The following WDFY4 variants were observed in gnomAD, a reference collection of about 807,000 sequenced individuals.
The protein encoded by WDFY4 is WDFY family member 4.
In WDFY4, 169 loss-of-function variants were observed where a neutral mutation model predicts 351.9. The ratio of observed to expected loss-of-function variants is 0.48; its 90% CI spans 0.42 to 0.55. WDFY4 has a LOEUF of 0.55. Ranked by LOEUF, WDFY4 falls within the 20% of genes least tolerant of loss-of-function variation. The pLI, the probability that WDFY4 is intolerant of heterozygous loss-of-function variation, is 0.00. For missense variants in WDFY4, 3,803 were observed against 3,935.6 expected (o/e 0.97, Z 0.90); for synonymous variants, 1,622 against 1,574.6 (o/e 1.03, Z -0.71).
At chr10:48,778,992 A>G (rs1420819000) in intron 18 of WDFY4, among the ~76,000 whole-genome samples, 160 bp downstream of exon 18, 3 of 152,224 alleles carry the variant, frequency 2.0e-5, no homozygotes, top group African/African-American at 7.2e-5. Context: ...TGAAAGGTCT[A>G]CAATATTTGT....
At chr10:48,913,625 G>A (rs759510322) in intron 47 of WDFY4, 360 of 1,613,932 alleles carry the variant, frequency 2.2e-4, no homozygotes, top group Non-Finnish European at 3.0e-4. Flanking sequence ...TTGGAAAGGG[G>A]TTCCGCTTTA....
At position 48,734,980 on chromosome 10, in the gene WDFY4, G is replaced by A. The variant is rs919255021; in HGVS notation, c.1688-900G>A. 3.5e-5 allele frequency among the ~76,000 whole-genome samples: 5 copies of A among 142,214 alleles called. No homozygotes were observed. The East Asian group carries it at 8.2e-4, about 23-fold the overall frequency. The allele number at this position is 142,214 out of a possible 152,430, so 93.3% of individuals were successfully genotyped here. A position where few individuals can be genotyped will look rare whatever the true frequency, so the allele number is the denominator to read the frequency against. On this transcript the variant is annotated intron_variant, in intron 10 of 61. Coordinates refer to ENST00000325239, the MANE Select transcript of WDFY4 (RefSeq NM_001394531.1). ...TTTTTTTTGGTATTTTAGTAGAGAC[G>A]GGGCTTTACCATGTTGACCAGGCTG...
chr10:48,723,801 G>A lies in WDFY4; in HGVS notation c.591+234G>A, dbSNP rs1316106282. 4.6e-5 allele frequency among the ~76,000 whole-genome samples: 7 copies of A among 152,014 alleles called. No individual in the cohort carries two copies. In the East Asian group the frequency reaches 5.8e-4, roughly 13 times the overall value. ...AGCTTTGTACCCACCCCTGTGCCAT[G>A]GCCTCACATGGGTCACCTCCAGGAT... is the stretch of plus-strand genomic sequence containing the variant. On this transcript the variant is annotated intron_variant, in intron 5 of 61. Coordinates refer to ENST00000325239, the MANE Select transcript of WDFY4 (RefSeq NM_001394531.1).
intron 40 of WDFY4, 88 bp from the exon 41 acceptor site, chr10:48,873,403 T>G: frequency 7.2e-7 from 1 of 1,388,804 alleles, no homozygotes; most frequent in Non-Finnish European, 9.6e-7. Context: ...ATGGGAGACT[T>G]GGCTTATTCA....
chr10:48,844,912 C>A (rs544227488), intron 39 of WDFY4, among the ~76,000 whole-genome samples: 80 of 152,236 alleles, frequency 5.3e-4, no homozygotes, highest in African/African-American at 1.5e-3. Context: ...TCTGAAAGAC[C>A]TAGATGATGC....
intron 45 of WDFY4, among the ~76,000 whole-genome samples, chr10:48,898,236 C>T (rs1468041881): frequency 6.6e-6 from 1 of 152,198 alleles, no homozygotes; most frequent in African/African-American, 2.4e-5. Flanking sequence ...AGATAGATCA[C>T]ACTTTCTAGA....
At chr10:48,820,527 A>G in intron 33 of WDFY4, 90 bp downstream of exon 33, 1 of 1,390,038 alleles carries the variant, frequency 7.2e-7, no homozygotes, top group Non-Finnish European at 9.8e-7. Context: ...AGGGAGACAG[A>G]GGGCCTGGGG....
At chr10:48,914,003 GT>G (rs1249302352) in intron 47 of WDFY4, 13 of 1,614,088 alleles carry the variant, frequency 8.1e-6, no homozygotes, top group African/African-American at 1.3e-5. Context: ...GCTCGTCCAT[GT>G]CACTAAGGCG....
chr10:48,921,593 T>G (rs1021273931), intron 47 of WDFY4, among the ~76,000 whole-genome samples: 1 of 69,348 alleles, frequency 1.4e-5, no homozygotes, highest in Non-Finnish European at 3.1e-5. Context: ...TGAACACAAT[T>G]AAAAGCTCTG....
chr10:48,975,797 G>C (rs1211207836), intron 58 of WDFY4, among the ~76,000 whole-genome samples: 1 of 152,010 alleles, frequency 6.6e-6, no homozygotes, highest in Non-Finnish European at 1.5e-5. Context: ...TGAGTGGATG[G>C]GTAGATAGAT....
At chr10:48,762,888 T>C (rs1418670948) in intron 13 of WDFY4, among the ~76,000 whole-genome samples, 1 of 152,228 alleles carries the variant, frequency 6.6e-6, no homozygotes, top group East Asian at 1.9e-4. Context: ...GGGGCTCGGC[T>C]TAGACTTAGT....
intron 26 of WDFY4, 87 bp from the exon 27 acceptor site, chr10:48,805,917 G>A: frequency 9.3e-7 from 1 of 1,078,452 alleles, no homozygotes; most frequent in Non-Finnish European, 1.4e-6. Context: ...CTGCACGTGG[G>A]TGGGTCTATG....
intron 13 of WDFY4, among the ~76,000 whole-genome samples, chr10:48,767,441 CA>C (rs1479601892): frequency 2.6e-5 from 4 of 152,206 alleles, no homozygotes; most frequent in African/African-American, 9.7e-5. Context: ...TTCCAACTGA[CA>C]TTACACTATT....
rs1210998183 is a variant in WDFY4, at chr10:48,832,560, T to G, written c.6527-13T>G. Reference sequence around the variant, plus strand: ...CACTTCACCTCTGACATTCTTTGCTTCCCTTCCCTCAGCATCTGAGAAGAA... The same window carrying G: ...CACTTCACCTCTGACATTCTTTGCTGCCCTTCCCTCAGCATCTGAGAAGAA... On this transcript the variant is annotated splice_polypyrimidine_tract_variant and intron_variant, in intron 38 of 61. Coordinates refer to ENST00000325239, the MANE Select transcript of WDFY4 (RefSeq NM_001394531.1). 1 of 1,536,960 alleles carries G rather than the reference T, an allele frequency of 6.5e-7. No homozygotes were observed. The highest frequency in any genetic ancestry group is 8.8e-7 in the Non-Finnish European group (1 of 1,137,428).
chr10:48,923,494 TA>T, intron 47 of WDFY4, among the ~76,000 whole-genome samples: 1 of 50,112 alleles, frequency 2.0e-5, no homozygotes, highest in African/African-American at 5.6e-5. Context: ...AAATAGTTTT[TA>T]GTATATATAT....
At chr10:48,828,428 A>C (rs769679423) in intron 36 of WDFY4, among the ~76,000 whole-genome samples, 1 of 152,230 alleles carries the variant, frequency 6.6e-6, no homozygotes, top group Non-Finnish European at 1.5e-5. Context: ...GGATGAAATC[A>C]ATGCCAAACA....
In WDFY4 at chr10:48,965,368, A is replaced by G. The variant is rs116687926; in HGVS notation, c.8437-1158A>G. Among the ~76,000 whole-genome samples, 491 of 152,360 alleles carry G rather than the reference A, an allele frequency of 3.2e-3. 5 individuals carry two copies. Among genetic ancestry groups the G allele is most frequent in the African/African-American group, 0.011 (475 of 41,588 alleles). ...GTCTGAAGACAAGATTGCAGCACTC[A>G]GACTCCATGCTGCTCCTGACAGGGG... On this transcript the variant is annotated intron_variant, in intron 54 of 61. Coordinates refer to ENST00000325239, the MANE Select transcript of WDFY4 (RefSeq NM_001394531.1).
At position 48,721,367 on chromosome 10, in the gene WDFY4, G is replaced by T. The variant is rs369930156; in HGVS notation, c.456G>T (p.Ser152=). ...TGTACGTGCTCACGGGGACAGACTCGGTAAGTTTCAGACCATCAGCCTCTG... is the reference window on the plus strand; with the variant it reads ...TGTACGTGCTCACGGGGACAGACTCTGTAAGTTTCAGACCATCAGCCTCTG... ...KSVYVLTGTD[S]ETLGRVAESG... The change falls in exon 4 of 62, where the codon TCG becomes TCT. Residue 152 remains serine (S), a splice_region_variant and synonymous_variant. Transcript: ENST00000325239. 4 of 1,551,466 alleles carry T rather than the reference G, an allele frequency of 2.6e-6. No individual in the cohort carries two copies. The highest frequency in any genetic ancestry group is 2.0e-5 in the Admixed American group (1 of 50,978).
intron 12 of WDFY4, among the ~76,000 whole-genome samples, chr10:48,747,823 A>C (rs2065060257): frequency 6.6e-6 from 1 of 152,198 alleles, no homozygotes; most frequent in South Asian, 2.1e-4. Flanking sequence ...TTTCTGTGAC[A>C]ATCATGGAAG....
Sources: allele counts gnomAD v4.1 joint callset (sites outside exome capture counted in the v4.1 genomes callset), GRCh38; gene constraint gnomAD v4.1.1; transcripts MANE v1.5; gene names NCBI Gene and HGNC (gene_info 2026-07-23, HGNC 2026-07-21).